The following OVGP1 variants were observed in gnomAD, a reference collection of about 807,000 sequenced individuals.
OVGP1 encodes oviduct-specific glycoprotein.
In OVGP1, 26 loss-of-function variants were observed where a neutral mutation model predicts 48.2. That is an observed-to-expected ratio of 0.54 (90% CI 0.40 to 0.75). The LOEUF is 0.75. Ranked by LOEUF, OVGP1 falls within the 30% of genes least tolerant of loss-of-function variation. OVGP1 has a pLI of 0.00. For synonymous variants in OVGP1, 294 were observed against 305.7 expected (o/e 0.96, Z 0.40); for missense variants, 791 against 820.6 (o/e 0.96, Z 0.44).
chr1:111,423,132 T>A (rs1333390921), intron 5 of OVGP1, 81 bp from the exon 6 acceptor site: 1 of 1,567,804 alleles, frequency 6.4e-7, no homozygotes, highest in Non-Finnish European at 8.7e-7. Flanking sequence ...TAGGAAGCAT[T>A]TACTGAGCTC....
chr1:111,427,147 A>T (rs1557785863), intron 1 of OVGP1, 56 bp from the exon 2 acceptor site: 1 of 1,612,734 alleles, frequency 6.2e-7, no homozygotes, highest in Non-Finnish European at 8.5e-7. Context: ...CCAGAGTGGT[A>T]TGGCACAGCA....
intron 10 of OVGP1, among the ~76,000 whole-genome samples, chr1:111,415,684 A>G (rs1326376929): frequency 6.6e-6 from 1 of 152,114 alleles, no homozygotes; most frequent in African/African-American, 2.4e-5. Flanking sequence ...CCTTGCCTCG[A>G]GGCCTAATTC....
chr1:111,414,747 G>A lies in OVGP1; in HGVS notation c.1754C>T (p.Pro585Leu). Reference sequence around the variant, plus strand: ...TCTTAAAGGCATAGTCTGCCCTTCAGGGGTGACTGATATGTTTCTGGAGGG... The same window carrying A: ...TCTTAAAGGCATAGTCTGCCCTTCAAGGGTGACTGATATGTTTCTGGAGGG... The part of the protein sequence containing the change: ...TVPSRNISVT[P>L]EGQTMPLRGE... Residue 585 changes from proline to leucine, a missense_variant, in exon 11 of 11, where the codon CCT becomes CTT. Coordinates refer to ENST00000369732, the MANE Select transcript of OVGP1 (RefSeq NM_002557.4). 1 of 1,612,030 alleles carries A rather than the reference G, an allele frequency of 6.2e-7. No homozygotes were observed. Among genetic ancestry groups the A allele is most frequent in the Non-Finnish European group, 8.5e-7 (1 of 1,178,324 alleles).
Position 111,414,733 on chromosome 1 carries a change from T to C in OVGP1, c.1768A>G (p.Met590Val), listed in dbSNP as rs371078519. ...GTCAAATTCTCCCCTCTTAAAGGCA[T>C]AGTCTGCCCTTCAGGGGTGACTGAT... ...NISVTPEGQT[M>V]PLRGENLTSE... The change falls in exon 11 of 11, where the codon ATG becomes GTG. Residue 590 changes from methionine (M) to valine (V), a missense_variant. Physicochemically the swap from Met to Val is conservative, Grantham distance 21. Transcript: ENST00000369732. 116 of 1,613,590 alleles carry C rather than the reference T, an allele frequency of 7.2e-5. 3 individuals carry two copies. In the South Asian group the frequency reaches 1.2e-3, roughly 16 times the overall value.
intron 5 of OVGP1, 53 bp downstream of exon 5, chr1:111,423,490 A>G (rs1319549493): frequency 6.3e-7 from 1 of 1,578,052 alleles, no homozygotes; most frequent in Non-Finnish European, 8.7e-7. Context: ...ATAAGCCTAG[A>G]TATATAAAAG....
Position 111,423,047 on chromosome 1 carries a change from AG to A in OVGP1, c.487del (p.Leu163SerfsTer39). ...RWTFLFLIEE[L>X]LFAFRKEALL... is the part of the protein sequence containing the mutation. Reference sequence around the variant, plus strand: ...TGCCTCCTTCCGGAAGGCAAACAGGAGCTCCTAAGAGGAAAGACAGAAAGAC... The same window carrying A: ...TGCCTCCTTCCGGAAGGCAAACAGGACTCCTAAGAGGAAAGACAGAAAGAC... On this transcript the variant is annotated frameshift_variant, in exon 6 of 11. Coordinates refer to ENST00000369732, the MANE Select transcript of OVGP1 (RefSeq NM_002557.4). LOFTEE classifies it high-confidence loss of function. 6.2e-7 allele frequency: 1 copy of A among 1,613,978 alleles called. No individual in the cohort carries two copies. The highest frequency in any genetic ancestry group is 8.5e-7 in the Non-Finnish European group (1 of 1,179,984).
In OVGP1 at chr1:111,414,750, G is replaced by C; in HGVS notation, c.1751C>G (p.Thr584Ser). The C allele has an allele frequency of 6.2e-7, 1 of 1,611,830 alleles. No individual in the cohort carries two copies. The highest frequency in any genetic ancestry group is 8.5e-7 in the Non-Finnish European group (1 of 1,178,170). Residue 584 changes from threonine (T) to serine (S), a missense_variant, in exon 11 of 11, where the codon ACC becomes AGC. Transcript: ENST00000369732. Reference sequence around the variant, plus strand: ...TAAAGGCATAGTCTGCCCTTCAGGGGTGACTGATATGTTTCTGGAGGGGAC... The same window carrying C: ...TAAAGGCATAGTCTGCCCTTCAGGGCTGACTGATATGTTTCTGGAGGGGAC... ...VTVPSRNISV[T>S]PEGQTMPLRG...
chr1:111,414,486 G>C lies in OVGP1; in HGVS notation c.2015C>G (p.Ser672Cys), dbSNP rs1187269672. Residue 672 changes from serine (S) to cysteine (C), a missense_variant, in exon 11 of 11, where the codon TCT becomes TGT. Physicochemically the swap from Ser to Cys is moderately radical, Grantham distance 112. Transcript: ENST00000369732. ...GGCTTAGGCTTCTTCATCCACAGCAGAGTTTTCTGGGATTTCTTTTTTTAG... is the reference window on the plus strand; with the variant it reads ...GGCTTAGGCTTCTTCATCCACAGCACAGTTTTCTGGGATTTCTTTTTTTAG... ...LSLKKEIPEN[S>C]AVDEEA is the part of the protein sequence containing the mutation. 6.2e-7 allele frequency: 1 copy of C among 1,612,956 alleles called. No homozygotes were observed. The highest frequency in any genetic ancestry group is 8.5e-7 in the Non-Finnish European group (1 of 1,179,304).
chr1:111,416,369 G>T lies in OVGP1; in HGVS notation c.1110C>A (p.Gly370=). The T allele has an allele frequency of 6.2e-7, 1 of 1,608,084 alleles. No homozygotes were observed. Among genetic ancestry groups the T allele is most frequent in the East Asian group, 2.2e-5 (1 of 44,778 alleles). ...TCAATACGTAGACAAGGGGGAAAGG[G>T]CCAGTGCCACAGAACGTGCCCCTGA... is the stretch of plus-strand genomic sequence containing the variant. ...DDVRGTFCGT[G]PFPLVYVLND... Residue 370 remains glycine, a synonymous_variant, in exon 10 of 11, where the codon GGC becomes GGA. Transcript: ENST00000369732.
At chr1:111,425,695 C>T (rs1004064134) in intron 3 of OVGP1, among the ~76,000 whole-genome samples, 57 of 152,190 alleles carry the variant, frequency 3.7e-4, no homozygotes, top group African/African-American at 1.3e-3. Flanking sequence ...GCCAAACTCG[C>T]GCATGTCCCT....
At position 111,414,916 on chromosome 1, in the gene OVGP1, G is replaced by A. The variant is rs144666939; in HGVS notation, c.1585C>T (p.His529Tyr). 1.1e-5 allele frequency: 16 copies of A among 1,493,810 alleles called. No individual in the cohort carries two copies. In the African/African-American group the frequency reaches 1.7e-4, roughly 16 times the overall value. The allele number at this position is 1,493,810 out of a possible 1,614,324, so 92.5% of individuals were successfully genotyped here. The change falls in exon 11 of 11, where the codon CAT (histidine) becomes TAT (tyrosine). Residue 529 changes from histidine to tyrosine, a missense_variant. Physicochemically the swap from His to Tyr is moderately conservative, Grantham distance 83. Coordinates refer to ENST00000369732, the MANE Select transcript of OVGP1 (RefSeq NM_002557.4). ...TGACTCACAGGGGTCACAGACTGATGACCCACAGGGGTCAGGGTCTTTTCC... is the reference window on the plus strand; with the variant it reads ...TGACTCACAGGGGTCACAGACTGATAACCCACAGGGGTCAGGGTCTTTTCC... ...PGEKTLTPVG[H>Y]QSVTPVSHQS...
At position 111,421,604 on chromosome 1, in the gene OVGP1, A is replaced by G. The variant is rs1308487240; in HGVS notation, c.678T>C (p.Asn226=). The change falls in exon 7 of 11, where the codon AAT becomes AAC. Residue 226 remains asparagine, a synonymous_variant. Coordinates refer to ENST00000369732, the MANE Select transcript of OVGP1 (RefSeq NM_002557.4). The part of the protein sequence containing the change: ...HGSWERFTGH[N]SPLFSLPEDP... Reference sequence around the variant, plus strand: ...CTTCAGGCAGAGAGAAGAGGGGGCTATTATGTCCTGTGAACCTTTCCCAAC... The same window carrying G: ...CTTCAGGCAGAGAGAAGAGGGGGCTGTTATGTCCTGTGAACCTTTCCCAAC... The G allele has an allele frequency of 1.1e-5, 18 of 1,613,208 alleles. No homozygotes were observed. Among genetic ancestry groups the G allele is most frequent in the East Asian group, 6.7e-5 (3 of 44,892 alleles).
intron 1 of OVGP1, chr1:111,427,375 G>A (rs1652423947): frequency 2.0e-6 from 2 of 985,248 alleles, no homozygotes; most frequent in Admixed American, 6.1e-5. Context: ...AAAGCTCGAG[G>A]CCAGTGGTTC....
intron 4 of OVGP1, 68 bp downstream of exon 4, chr1:111,425,315 C>T (rs751970963): frequency 2.5e-6 from 4 of 1,592,618 alleles, no homozygotes; most frequent in Non-Finnish European, 3.4e-6. Flanking sequence ...TGCCTTCCCC[C>T]TCTGTCTTCA....
intron 10 of OVGP1, among the ~76,000 whole-genome samples, chr1:111,415,740 C>CT (rs1179153219): frequency 4.6e-5 from 7 of 152,160 alleles, no homozygotes; most frequent in Non-Finnish European, 8.8e-5. Flanking sequence ...TCTTATGTCT[C>CT]TATGTTGTAG....
chr1:111,414,454 CCAGAGGGGCTTAGGCTTCTTCATCCACAG>C lies in OVGP1; in HGVS notation c.2018_*9del. The C allele has an allele frequency of 6.3e-7, 1 of 1,597,214 alleles. No homozygotes were observed. The highest frequency in any genetic ancestry group is 8.5e-7 in the Non-Finnish European group (1 of 1,170,092). On this transcript the variant is annotated stop_lost and 3_prime_UTR_variant, in exon 11 of 11. Coordinates refer to ENST00000369732, the MANE Select transcript of OVGP1 (RefSeq NM_002557.4). Reference sequence around the variant, plus strand: ...CAAGGGTTTTCCCTGGTTTCTGACACCAGAGGGGCTTAGGCTTCTTCATCCACAGCAGAGTTTTCTGGGATTTCTTTTTT... The same window carrying C: ...CAAGGGTTTTCCCTGGTTTCTGACACCAGAGTTTTCTGGGATTTCTTTTTT...
rs780739038 is a variant in OVGP1, at chr1:111,414,430, A to AAGAAAACC, written c.*33_*34insGGTTTTCT. On this transcript the variant is annotated 3_prime_UTR_variant, in exon 11 of 11. Coordinates refer to ENST00000369732, the MANE Select transcript of OVGP1 (RefSeq NM_002557.4). ...CAACATGTCACTTAGAAGAAAAGAC[A>AAGAAAACC]AGGGTTTTCCCTGGTTTCTGACACC... 1.2e-4 allele frequency: 183 copies of AAGAAAACC among 1,558,174 alleles called. 1 individual carries two copies. The African/African-American group carries it at 2.0e-3, about 17-fold the overall frequency.
chr1:111,415,853 C>G (rs1244501462), intron 10 of OVGP1, among the ~76,000 whole-genome samples: 1 of 152,138 alleles, frequency 6.6e-6, no homozygotes, highest in Non-Finnish European at 1.5e-5. Flanking sequence ...GAGCTCCAGT[C>G]GCATTACCCA....
chr1:111,425,713 T>G (rs1210099522), intron 3 of OVGP1, among the ~76,000 whole-genome samples: 1 of 152,080 alleles, frequency 6.6e-6, no homozygotes, highest in Non-Finnish European at 1.5e-5. Context: ...CCTATGATGC[T>G]TCCAAAAAAA....
Sources: allele counts gnomAD v4.1 joint callset (sites outside exome capture counted in the v4.1 genomes callset), GRCh38; gene constraint gnomAD v4.1.1; transcripts MANE v1.5; gene names NCBI Gene and HGNC (gene_info 2026-07-23, HGNC 2026-07-21).